The following NID2 variants were observed in gnomAD, a reference collection of about 807,000 sequenced individuals.
NID2 encodes the protein nidogen 2.
In NID2, 83 loss-of-function variants were observed where a neutral mutation model predicts 145.4. The observed-to-expected ratio is 0.57, with a 90% CI of 0.48 to 0.69. The LOEUF (loss-of-function observed/expected upper bound fraction) is 0.69, where lower values mean the gene tolerates loss of function less well. Among genes scored for constraint, NID2 ranks in the 30% least tolerant of loss-of-function variants. The pLI is 0.00. For synonymous variants in NID2, 739 were observed against 701.3 expected (o/e 1.05, Z -0.85); for missense variants, 1,807 against 1,765.7 (o/e 1.02, Z -0.42).
In NID2 at chr14:52,010,903, C is replaced by T. The variant is rs779100862; in HGVS notation, c.3695G>A (p.Arg1232His). The T allele has an allele frequency of 1.2e-5, 19 of 1,613,576 alleles. No individual in the cohort carries two copies. Among genetic ancestry groups the T allele is most frequent in the Admixed American group, 3.3e-5 (2 of 60,028 alleles). Residue 1232 changes from arginine (R) to histidine (H), a missense_variant, in exon 18 of 22, where the codon CGT (arginine) becomes CAT (histidine). Physicochemically the swap from Arg to His is conservative, Grantham distance 29. Coordinates refer to ENST00000216286, the MANE Select transcript of NID2 (RefSeq NM_007361.4). Reference sequence around the variant, plus strand: ...TCGGATTGGATCCACAGCGATGGCACGGGGATTCACCAGATCTGTGTAGAA... The same window carrying T: ...TCGGATTGGATCCACAGCGATGGCATGGGGATTCACCAGATCTGTGTAGAA... ...VLFYTDLVNP[R>H]AIAVDPIRGN...
In NID2 at chr14:52,068,921, A is replaced by T. The variant is rs748069354; in HGVS notation, c.74T>A (p.Met25Lys). The change falls in exon 1 of 22, where the codon ATG becomes AAG. Residue 25 changes from methionine (M) to lysine (K), a missense_variant. Transcript: ENST00000216286. ...LPVLLLLPLL[M>K]LRAAALHPDE... ...TGGGTGCAGCGCCGCGGCCCGCAAC[A>T]TTAGCAACGGCAGCAGCAGTAGCAC... 2 of 1,613,742 alleles carry T rather than the reference A, an allele frequency of 1.2e-6. No individual in the cohort carries two copies. Among genetic ancestry groups the T allele is most frequent in the Admixed American group, 1.7e-5 (1 of 60,016 alleles).
intron 2 of NID2, among the ~76,000 whole-genome samples, chr14:52,062,932 T>G (rs1410575732): frequency 2.0e-5 from 3 of 152,248 alleles, no homozygotes; most frequent in Non-Finnish European, 4.4e-5. Flanking sequence ...TTTAATTTCT[T>G]TGTCTCCACC....
intron 3 of NID2, among the ~76,000 whole-genome samples, chr14:52,055,212 T>C (rs1323202675): frequency 1.3e-5 from 2 of 152,176 alleles, no homozygotes; most frequent in Non-Finnish European, 2.9e-5. Flanking sequence ...TAACAAACAA[T>C]TGGATCCGAA....
intron 9 of NID2, among the ~76,000 whole-genome samples, chr14:52,037,974 C>T (rs542139509): frequency 9.9e-5 from 15 of 152,282 alleles, no homozygotes; most frequent in South Asian, 2.1e-4. Flanking sequence ...TATAACATTG[C>T]GAACTTGTTC....
chr14:52,050,058 G>C (rs1892637044), intron 5 of NID2, among the ~76,000 whole-genome samples: 2 of 152,080 alleles, frequency 1.3e-5, no homozygotes, highest in Non-Finnish European at 2.9e-5. Context: ...AAGTGGAGTG[G>C]GACTACATGA....
At chr14:52,053,533 C>T (rs1329783294) in intron 5 of NID2, 46 bp downstream of exon 5, 8 of 1,556,312 alleles carry the variant, frequency 5.1e-6, no homozygotes, top group Middle Eastern at 1.7e-4. Flanking sequence ...GCAAAACCAG[C>T]ATGGTTAAGA....
chr14:52,014,050 T>G (rs1891124243), intron 16 of NID2: 1 of 575,614 alleles, frequency 1.7e-6, no homozygotes, highest in African/African-American at 1.9e-5. Context: ...CTTTCCATAT[T>G]ATCTGAAACT....
At chr14:52,044,493 A>C (rs536340365) in intron 5 of NID2, among the ~76,000 whole-genome samples, 2 of 152,164 alleles carry the variant, frequency 1.3e-5, no homozygotes, top group Admixed American at 6.5e-5. Context: ...GATGGTCCTG[A>C]TCTCCTGACC....
intron 3 of NID2, 46 bp downstream of exon 3, chr14:52,060,078 G>T (rs766251931): frequency 7.2e-7 from 1 of 1,384,782 alleles, no homozygotes; most frequent in Admixed American, 1.9e-5. Flanking sequence ...CTTCCTAAAA[G>T]TCCTTATATT....
rs1892300607 is a variant in NID2 at position 52,042,110 on chromosome 14, A to G, written c.1820T>C (p.Leu607Pro). ...TTCTCAGAGGCCCTACTCACCTGCG[A>G]GGCTGAAGCCGTTCTCAGAGCCAGG... ...EKPGSENGFS[L>P]AGAAFTHDME... Residue 607 changes from leucine (L) to proline (P), a missense_variant, in exon 7 of 22, where the codon CTC becomes CCC. Physicochemically the swap from Leu to Pro is moderately conservative, Grantham distance 98. Coordinates refer to ENST00000216286, the MANE Select transcript of NID2 (RefSeq NM_007361.4). 1 of 1,592,052 alleles carries G rather than the reference A, an allele frequency of 6.3e-7. No individual in the cohort carries two copies. The highest frequency in any genetic ancestry group is 8.6e-7 in the Non-Finnish European group (1 of 1,167,370).
At chr14:52,030,086 T>C (rs1056688561) in intron 9 of NID2, among the ~76,000 whole-genome samples, 2 of 152,092 alleles carry the variant, frequency 1.3e-5, no homozygotes, top group African/African-American at 4.8e-5. Flanking sequence ...ATGGGAAAAA[T>C]TGCCCAAGCT....
At chr14:52,052,548 G>A (rs1317662407) in intron 5 of NID2, among the ~76,000 whole-genome samples, 4 of 152,082 alleles carry the variant, frequency 2.6e-5, no homozygotes, top group Non-Finnish European at 5.9e-5. Context: ...GTACTCCCTC[G>A]AATCCTTACA....
intron 11 of NID2, among the ~76,000 whole-genome samples, chr14:52,027,633 TACACACACACAC>T (rs59049676): frequency 9.0e-5 from 13 of 144,248 alleles, no homozygotes; most frequent in African/African-American, 1.8e-4. Flanking sequence ...GAGCAATTGC[TACACACACACAC>T]ACACACACAC....
In NID2 at chr14:52,040,487, C is replaced by T. The variant is rs8004535; in HGVS notation, c.2026+164G>A. ...ATAGCAGCCATTCTGCTCACTTACA[C>T]GATATATTTCATGGTAACAATAAGA... On this transcript the variant is annotated intron_variant, in intron 8 of 21. Transcript: ENST00000216286. 1.6e-3 allele frequency among the ~76,000 whole-genome samples: 243 copies of T among 152,228 alleles called. No homozygotes were observed. The highest frequency in any genetic ancestry group is 5.3e-3 in the African/African-American group (220 of 41,522).
At chr14:52,043,613 G>T (rs183567410) in intron 5 of NID2, among the ~76,000 whole-genome samples, 1 of 152,326 alleles carries the variant, frequency 6.6e-6, no homozygotes, top group East Asian at 1.9e-4. Flanking sequence ...GGCCCCACTC[G>T]CAGATCTTCC....
intron 9 of NID2, among the ~76,000 whole-genome samples, chr14:52,031,081 A>G (rs979694940): frequency 2.0e-5 from 3 of 152,192 alleles, no homozygotes; most frequent in Non-Finnish European, 4.4e-5. Context: ...GTCTGGTTCC[A>G]TAGCTCATGC....
At chr14:52,063,389 G>C (rs1288240266) in intron 2 of NID2, among the ~76,000 whole-genome samples, 2 of 152,192 alleles carry the variant, frequency 1.3e-5, no homozygotes, top group East Asian at 1.9e-4. Context: ...TTATCAGAAA[G>C]AGAGAAAAGC....
intron 7 of NID2, 107 bp from the exon 8 acceptor site, chr14:52,040,958 T>G: frequency 1.1e-6 from 1 of 937,342 alleles, no homozygotes; most frequent in African/African-American, 1.6e-5. Context: ...AGATCGTGCC[T>G]AAGGAGATTA....
intron 2 of NID2, among the ~76,000 whole-genome samples, chr14:52,063,354 T>C (rs1893078699): frequency 6.6e-6 from 1 of 152,022 alleles, no homozygotes; most frequent in Admixed American, 6.6e-5. Context: ...ACAGAGAGGA[T>C]CAGGGTGAGT....
Sources: allele counts gnomAD v4.1 joint callset (sites outside exome capture counted in the v4.1 genomes callset), GRCh38; gene constraint gnomAD v4.1.1; transcripts MANE v1.5; gene names NCBI Gene and HGNC (gene_info 2026-07-23, HGNC 2026-07-21).